The following PRELID2 variants were observed in gnomAD, a reference collection of about 807,000 sequenced individuals.
The protein encoded by PRELID2 is PRELI domain-containing protein 2.
Under a neutral mutation model 28.4 loss-of-function variants are expected in PRELID2, and 25 were observed. The ratio of observed to expected loss-of-function variants is 0.88; its 90% CI spans 0.64 to 1.23. The LOEUF is 1.23. Ranked by LOEUF, PRELID2 falls within the 50% of genes most tolerant of loss-of-function variation. The pLI is 0.00. For synonymous variants in PRELID2, 76 were observed against 71.6 expected (o/e 1.06, Z -0.31); for missense variants, 201 against 214.4 (o/e 0.94, Z 0.39).
At chr5:145,315,980 A>G in the PRELID2 span, among the ~76,000 whole-genome samples, 671 of 152,180 alleles carry the variant, frequency 4.4e-3, 5 homozygotes, top group African/African-American at 0.015. Flanking sequence ...TATTATCTAT[A>G]CTCTTGAGGT....
intron 1 of PRELID2, among the ~76,000 whole-genome samples, chr5:145,564,167 T>G (rs2126696330): frequency 6.6e-6 from 1 of 152,288 alleles, no homozygotes; most frequent in East Asian, 1.9e-4. Flanking sequence ...AAAGAGAAAC[T>G]TTGGTGTACC....
At chr5:145,644,083 G>A (rs1754154432) in intron 1 of PRELID2, among the ~76,000 whole-genome samples, 1 of 152,126 alleles carries the variant, frequency 6.6e-6, no homozygotes, top group South Asian at 2.1e-4. Flanking sequence ...GTTTCAGAAG[G>A]AATGATACCA....
At chr5:145,291,361 A>C in the PRELID2 span, among the ~76,000 whole-genome samples, 1 of 148,416 alleles carries the variant, frequency 6.7e-6, no homozygotes, top group Admixed American at 6.7e-5. Flanking sequence ...AAAAAAAAAA[A>C]GGAGAGGGGT....
chr5:145,519,404 C>T (rs1366003067), intron 1 of PRELID2, among the ~76,000 whole-genome samples: 1 of 152,180 alleles, frequency 6.6e-6, no homozygotes, highest in Admixed American at 6.5e-5. Context: ...AAATGGAAAT[C>T]TGAAGATATT....
At chr5:145,598,033 T>C (rs956536401) in intron 1 of PRELID2, among the ~76,000 whole-genome samples, 12 of 151,984 alleles carry the variant, frequency 7.9e-5, no homozygotes, top group Non-Finnish European at 1.6e-4. Flanking sequence ...AAAGGAACAA[T>C]CCCATGGGTT....
chr5:145,523,075 A>G lies in PRELID2; in HGVS notation n.71-49760T>C, dbSNP rs539186073. On this transcript the variant is annotated intron_variant and non_coding_transcript_variant, in intron 1 of 2. Transcript: ENST00000510259. ...CAGCCATCTTAATATTAAGACATGGATCCTTGTAGTTGGGGTAAAATTTCT... is the reference window on the plus strand; with the variant it reads ...CAGCCATCTTAATATTAAGACATGGGTCCTTGTAGTTGGGGTAAAATTTCT... Among the ~76,000 whole-genome samples the G allele has an allele frequency of 5.3e-5, 8 of 152,260 alleles. No homozygotes were observed. In the South Asian group the frequency reaches 1.7e-3, roughly 32 times the overall value.
intron 1 of PRELID2, among the ~76,000 whole-genome samples, chr5:145,711,263 T>C (rs1286071101): frequency 3.3e-5 from 5 of 152,264 alleles, no homozygotes; most frequent in South Asian, 4.1e-4. Context: ...ACAAAAAGAA[T>C]AGGACAGTGA....
chr5:145,821,129 CTGA>C (rs1754754949), intron 2 of PRELID2, among the ~76,000 whole-genome samples: 1 of 74,982 alleles, frequency 1.3e-5, no homozygotes. Context: ...TGACCGTCAC[CTGA>C]TGGTCATCCA....
At chr5:145,388,654 T>G in the PRELID2 span, among the ~76,000 whole-genome samples, 1 of 152,204 alleles carries the variant, frequency 6.6e-6, no homozygotes, top group African/African-American at 2.4e-5. Flanking sequence ...GGCTTTTTTC[T>G]GTTTTACAAA....
intron 1 of PRELID2, among the ~76,000 whole-genome samples, chr5:145,687,164 T>G (rs922126562): frequency 9.9e-5 from 15 of 152,234 alleles, no homozygotes; most frequent in African/African-American, 3.4e-4. Context: ...CTACTGTTAT[T>G]TAACAACCTG....
At chr5:145,751,082 A>G (rs1386534755) in intron 1 of PRELID2, among the ~76,000 whole-genome samples, 1 of 152,240 alleles carries the variant, frequency 6.6e-6, no homozygotes. Flanking sequence ...AAAACAAAAG[A>G]GGAAACAGCG....
chr5:145,520,479 C>G (rs1011417351), intron 1 of PRELID2, among the ~76,000 whole-genome samples: 28 of 152,286 alleles, frequency 1.8e-4, no homozygotes, highest in Middle Eastern at 6.8e-3. Context: ...TCTTCAGTTT[C>G]CCAACACACA....
chr5:145,828,200 G>T (rs975623652), intron 1 of PRELID2, among the ~76,000 whole-genome samples: 1 of 152,028 alleles, frequency 6.6e-6, no homozygotes. Context: ...TGTAAAATGA[G>T]AATAAATACT....
At chr5:145,750,239 G>C (rs955368461) in intron 1 of PRELID2, among the ~76,000 whole-genome samples, 2 of 151,888 alleles carry the variant, frequency 1.3e-5, no homozygotes, top group African/African-American at 4.8e-5. Context: ...ATTGCTGAGT[G>C]TTTAACTATG....
At chr5:145,286,775 G>A in the PRELID2 span, among the ~76,000 whole-genome samples, 1 of 146,154 alleles carries the variant, frequency 6.8e-6, no homozygotes, top group African/African-American at 2.6e-5. Context: ...AGGCTAGAGT[G>A]CAATGGTGTG....
chr5:145,230,542 G>A, the PRELID2 span, among the ~76,000 whole-genome samples: 2 of 151,942 alleles, frequency 1.3e-5, no homozygotes, highest in Non-Finnish European at 2.9e-5. Context: ...TTAAGCCACG[G>A]CACTCCAGCC....
chr5:145,274,313 T>C, the PRELID2 span, among the ~76,000 whole-genome samples: 13 of 152,212 alleles, frequency 8.5e-5, no homozygotes. Context: ...AAAGACTTTT[T>C]ACTAGGTAGG....
chr5:145,657,732 A>G (rs1407923797), intron 1 of PRELID2, among the ~76,000 whole-genome samples: 2 of 152,250 alleles, frequency 1.3e-5, no homozygotes, highest in South Asian at 2.1e-4. Flanking sequence ...GTGCTAACGA[A>G]TACATCAGGC....
the PRELID2 span, among the ~76,000 whole-genome samples, chr5:145,244,754 C>T: frequency 3.3e-5 from 5 of 151,990 alleles, no homozygotes; most frequent in East Asian, 1.9e-4. Flanking sequence ...TAACCATTAA[C>T]TTTGGGAATT....
Sources: gnomAD v4.1 joint callset for allele counts (sites outside exome capture counted in the v4.1 genomes callset) on GRCh38, gnomAD v4.1.1 for gene constraint, MANE v1.5 for transcripts, NCBI Gene and HGNC (gene_info 2026-07-23, HGNC 2026-07-21) for gene names.